DAPK2: variants seen among roughly 807,000 people sequenced by gnomAD.
DAPK2 encodes the protein death associated protein kinase 2, also known as death-associated protein kinase 2.
DAPK2 carries 35 observed loss-of-function variants against 44.1 expected under a neutral mutation model. That is an observed-to-expected ratio of 0.79 (90% CI 0.61 to 1.05). DAPK2 has a LOEUF of 1.05. DAPK2 is among the 50% of genes least tolerant of loss of function. DAPK2 has a pLI of 0.00. For missense variants in DAPK2, 453 were observed against 483.2 expected (o/e 0.94, Z 0.59); for synonymous variants, 174 against 182.6 (o/e 0.95, Z 0.38).
At chr15:63,914,328 C>T (rs777895931) in intron 8 of DAPK2, among the ~76,000 whole-genome samples, 1 of 152,032 alleles carries the variant, frequency 6.6e-6, no homozygotes, top group Non-Finnish European at 1.5e-5. Context: ...AACTGAAGCA[C>T]AGTGCTTTTG....
chr15:63,949,484 C>T lies in DAPK2; in HGVS notation c.454-10123G>A, dbSNP rs368298822. Among the ~76,000 whole-genome samples the T allele has an allele frequency of 1.1e-4, 16 of 152,308 alleles. No individual in the cohort carries two copies. In the East Asian group the frequency reaches 2.7e-3, roughly 26 times the overall value. ...CCCTTTATCAGACCCTCAAAGCCAACGGGTGAGGCTGGGATGGATGTTGCT... is the reference window on the plus strand; with the variant it reads ...CCCTTTATCAGACCCTCAAAGCCAATGGGTGAGGCTGGGATGGATGTTGCT... On this transcript the variant is annotated intron_variant, in intron 3 of 10. Coordinates refer to ENST00000261891, the Ensembl canonical transcript of DAPK2.
intron 8 of DAPK2, 94 bp downstream of exon 9, chr15:63,924,722 C>T: frequency 1.4e-6 from 2 of 1,409,588 alleles, no homozygotes; most frequent in Non-Finnish European, 2.0e-6. Context: ...AAGCAAAGGC[C>T]TCTCCATGGG....
chr15:64,030,128 A>C (rs1054125544), intron 1 of DAPK2: 3 of 152,240 alleles, frequency 2.0e-5, no homozygotes, highest in African/African-American at 7.2e-5. Flanking sequence ...GGTCTCTATT[A>C]AAAAATACAA....
At chr15:63,975,231 A>C (rs2078311734) in intron 2 of DAPK2, among the ~76,000 whole-genome samples, 1 of 152,224 alleles carries the variant, frequency 6.6e-6, no homozygotes, top group Non-Finnish European at 1.5e-5. Flanking sequence ...GGACCTTGGG[A>C]TCACTTGGAG....
intron 3 of DAPK2, chr15:63,942,091 G>A (rs2077325329): frequency 4.6e-6 from 2 of 432,062 alleles, no homozygotes; most frequent in Non-Finnish European, 6.2e-6. Context: ...CACGCTGAAT[G>A]GGGGTGGGAG....
At chr15:64,044,952 A>G (rs1410865337), upstream of DAPK2, among the ~76,000 whole-genome samples, 1 of 152,216 alleles carries the variant, frequency 6.6e-6, no homozygotes, top group African/African-American at 2.4e-5. Flanking sequence ...CCGGCATTAC[A>G]GAGCTCCTCT....
intron 1 of DAPK2, among the ~76,000 whole-genome samples, chr15:64,022,417 G>C (rs1358559374): frequency 1.3e-5 from 2 of 152,356 alleles, no homozygotes; most frequent in African/African-American, 4.8e-5. Flanking sequence ...GCTTGAGCTA[G>C]GATACATACA....
chr15:63,928,355 C>T (rs79197516), intron 6 of DAPK2: 4,451 of 152,298 alleles, frequency 0.029, 94 homozygotes, highest in African/African-American at 0.063. Flanking sequence ...AATCAGGGAC[C>T]TGGCTCATAG....
rs922725664 is a variant in DAPK2 at position 63,916,138 on chromosome 15, G to A, written c.859-3941C>T. 6.6e-6 allele frequency: 1 copy of A among 152,182 alleles called. No individual in the cohort carries two copies. The highest frequency in any genetic ancestry group is 2.4e-5 in the African/African-American group (1 of 41,338). 9.4% of individuals were successfully genotyped at this position (152,182 alleles called of 1,614,324 possible). On this transcript the variant is annotated intron_variant, in intron 8 of 10. Coordinates refer to ENST00000261891, the Ensembl canonical transcript of DAPK2. This position sits in a 1 kb window ranked among gnomAD's most constrained non-coding sequence, Gnocchi z 4.7. ...TGTCCAAAAGGGAAGCAAGAAGACA[G>A]AAAACTGTGGGGTAGTCAAGTTTTG...
intron 8 of DAPK2, chr15:63,922,682 A>C: frequency 1.4e-6 from 2 of 1,464,922 alleles, no homozygotes; most frequent in Admixed American, 2.4e-5. Context: ...AGGGTGGATG[A>C]GAACATGCTT....
At chr15:64,038,982 A>G (rs897783838) in intron 1 of DAPK2, among the ~76,000 whole-genome samples, 7 of 152,140 alleles carry the variant, frequency 4.6e-5, no homozygotes, top group Admixed American at 2.0e-4. Flanking sequence ...TTATCTACCT[A>G]TGACCTGGAA....
chr15:63,976,535 A>T (rs1040858965), intron 2 of DAPK2, among the ~76,000 whole-genome samples: 89 of 152,180 alleles, frequency 5.8e-4, no homozygotes, highest in African/African-American at 2.0e-3. Context: ...CCTGGGCAAC[A>T]TAGTGAGACA....
intron 3 of DAPK2, among the ~76,000 whole-genome samples, chr15:63,941,667 T>TA: frequency 2.3e-5 from 1 of 43,606 alleles, no homozygotes; most frequent in Non-Finnish European, 6.2e-5. Context: ...TCCTTTTGCA[T>TA]TTTTTTTGCT....
In DAPK2 at chr15:63,923,061, C is replaced by A. The variant is rs553108957; in HGVS notation, c.858+1755G>T. On this transcript the variant is annotated intron_variant, in intron 8 of 10. Coordinates refer to ENST00000261891, the Ensembl canonical transcript of DAPK2. This position sits in a 1 kb window ranked among gnomAD's most constrained non-coding sequence, Gnocchi z 4.2. The stretch of plus-strand genomic sequence containing the variant: ...CTGAGCTGGGACAGGTCATGCCGGG[C>A]GCTCTCATTCTCCTCTCGGTACCAA... The A allele has an allele frequency of 1.3e-6, 2 of 1,535,708 alleles. No individual in the cohort carries two copies. Among genetic ancestry groups the A allele is most frequent in the Non-Finnish European group, 1.7e-6 (2 of 1,146,732 alleles).
intron 1 of DAPK2, chr15:63,991,096 T>C (rs934340981): frequency 2.6e-5 from 10 of 381,430 alleles, no homozygotes; most frequent in Non-Finnish European, 5.3e-5. Context: ...TTCCCCAAGG[T>C]CAGAGCAAGC....
At chr15:63,933,078 G>A (rs2077020990) in intron 4 of DAPK2, among the ~76,000 whole-genome samples, 1 of 151,856 alleles carries the variant, frequency 6.6e-6, no homozygotes, top group South Asian at 2.1e-4. Flanking sequence ...CTTTCTTTAG[G>A]TCAGTGATAA....
Position 63,908,224 on chromosome 15 carries a change from A to G in DAPK2, c.*296T>C. ...CCGTGATGATGAGGATGTCCTTTATATTGTTTTCCTAAGTCCACACTCCCA... is the reference window on the plus strand; with the variant it reads ...CCGTGATGATGAGGATGTCCTTTATGTTGTTTTCCTAAGTCCACACTCCCA... On this transcript the variant is annotated 3_prime_UTR_variant, in exon 11 of 11. Transcript: ENST00000261891. This position sits in a 1 kb window ranked among gnomAD's most constrained non-coding sequence, Gnocchi z 5.7. 7.8e-6 allele frequency: 2 copies of G among 255,258 alleles called. No homozygotes were observed. The highest frequency in any genetic ancestry group is 1.5e-5 in the Non-Finnish European group (2 of 135,450). 15.8% of individuals were successfully genotyped at this position (255,258 alleles called of 1,614,324 possible). A position where few individuals can be genotyped will look rare whatever the true frequency, so the allele number is the denominator to read the frequency against.
chr15:63,988,313 C>T (rs573125186), intron 1 of DAPK2, among the ~76,000 whole-genome samples: 3 of 152,190 alleles, frequency 2.0e-5, no homozygotes, highest in East Asian at 3.9e-4. Flanking sequence ...AGGGGTATAC[C>T]TAGAACAGCT....
At chr15:63,929,641 C>A in intron 5 of DAPK2, 64 bp from the exon 7 acceptor site, 12 of 1,603,094 alleles carry the variant, frequency 7.5e-6, no homozygotes, top group African/African-American at 2.7e-5. Flanking sequence ...GCAAGGGACA[C>A]CCTCATGGAT....
Sources: gnomAD v4.1 joint callset for allele counts (sites outside exome capture counted in the v4.1 genomes callset) on GRCh38, gnomAD v4.1.1 for gene constraint, Gnocchi (gnomAD v3.1) non-coding constraint, MANE v1.5 for transcripts, NCBI Gene and HGNC (gene_info 2026-07-23, HGNC 2026-07-21) for gene names.